MAP3K20: variants seen among roughly 807,000 people sequenced by gnomAD.
MAP3K20 encodes mitogen-activated protein kinase kinase kinase 20, also known as HCCS-4.
MAP3K20 carries 40 observed loss-of-function variants against 85.7 expected under a neutral mutation model. The observed-to-expected ratio is 0.47, with a 90% CI of 0.36 to 0.61. The LOEUF is 0.61. Among genes scored for constraint, MAP3K20 ranks in the 20% least tolerant of loss-of-function variants. The probability of loss-of-function intolerance (pLI) is 0.00; values close to 1 mark genes in which losing one functional copy is unlikely to be tolerated. For missense variants in MAP3K20, 817 were observed against 961.7 expected, an observed-to-expected ratio of 0.85 and a Z score of 1.99; for synonymous variants, 325 against 327.7, an observed-to-expected ratio of 0.99 and a Z score of 0.09.
At chr2:173,108,121 A>G (rs1687836618) in intron 2 of MAP3K20, among the ~76,000 whole-genome samples, 1 of 149,412 alleles carries the variant, frequency 6.7e-6, no homozygotes, top group Admixed American at 6.7e-5. Context: ...TGTGTTATAA[A>G]CTGGGATTTT....
intron 2 of MAP3K20, among the ~76,000 whole-genome samples, chr2:173,134,534 T>A (rs998800380): frequency 2.7e-5 from 4 of 146,712 alleles, no homozygotes; most frequent in Non-Finnish European, 6.0e-5. Context: ...CCTCCCAAAG[T>A]GCTGGGATTA....
At chr2:173,202,844 A>C (rs900369113) in intron 8 of MAP3K20, among the ~76,000 whole-genome samples, 12 of 152,212 alleles carry the variant, frequency 7.9e-5, no homozygotes, top group African/African-American at 2.9e-4. Flanking sequence ...TCATGCAAGA[A>C]TCAATAAGCC....
intron 12 of MAP3K20, among the ~76,000 whole-genome samples, chr2:173,230,711 C>CA (rs1298038534): frequency 2.0e-5 from 3 of 152,086 alleles, no homozygotes; most frequent in Non-Finnish European, 1.5e-5. Flanking sequence ...TGTGAAAACT[C>CA]AGAGACTAGG....
At chr2:173,181,491 G>A (rs977639110) in intron 3 of MAP3K20, among the ~76,000 whole-genome samples, 7 of 152,050 alleles carry the variant, frequency 4.6e-5, no homozygotes, top group African/African-American at 1.7e-4. Context: ...TTCTTTAAAA[G>A]TTAGACATAA....
chr2:173,165,026 C>A (rs908930761), intron 2 of MAP3K20, among the ~76,000 whole-genome samples: 1 of 152,138 alleles, frequency 6.6e-6, no homozygotes, highest in African/African-American at 2.4e-5. Flanking sequence ...AAACAATAAT[C>A]TGTAGAGACA....
chr2:173,122,800 C>A (rs866529051), intron 2 of MAP3K20, among the ~76,000 whole-genome samples: 5 of 152,144 alleles, frequency 3.3e-5, no homozygotes, highest in Non-Finnish European at 7.3e-5. Flanking sequence ...TGTCCCTGAT[C>A]CCTTTGATAG....
intron 2 of MAP3K20, among the ~76,000 whole-genome samples, chr2:173,134,411 TATATA>T (rs1688725480): frequency 1.5e-3 from 15 of 10,178 alleles, no homozygotes; most frequent in South Asian, 7.4e-3. Flanking sequence ...TATATATATA[TATATA>T]TATATATATA....
chr2:173,145,273 C>G (rs79508238), intron 2 of MAP3K20, among the ~76,000 whole-genome samples: 6,636 of 151,882 alleles, frequency 0.044, 220 homozygotes, highest in Middle Eastern at 0.082. Flanking sequence ...AAATTGGTAA[C>G]TAGAGCTTCA....
intron 11 of MAP3K20, 77 bp downstream of exon 11, chr2:173,217,327 C>T: frequency 7.5e-7 from 1 of 1,342,252 alleles, no homozygotes. Context: ...CATGGCACCT[C>T]TTCCCCTGCC....
intron 14 of MAP3K20, among the ~76,000 whole-genome samples, chr2:173,232,987 T>G (rs760526704): frequency 6.6e-6 from 1 of 152,166 alleles, no homozygotes; most frequent in Non-Finnish European, 1.5e-5. Context: ...GGTGCATACA[T>G]GGTATAGTAG....
intron 2 of MAP3K20, among the ~76,000 whole-genome samples, chr2:173,140,400 A>G (rs1383457440): frequency 6.6e-6 from 1 of 151,380 alleles, no homozygotes; most frequent in Non-Finnish European, 1.5e-5. Flanking sequence ...CCAGGCTGGT[A>G]TGCAGGGGCA....
At chr2:173,178,406 G>C (rs1445807293) in intron 3 of MAP3K20, among the ~76,000 whole-genome samples, 1 of 152,168 alleles carries the variant, frequency 6.6e-6, no homozygotes, top group African/African-American at 2.4e-5. Flanking sequence ...CACTTGCGGA[G>C]GCCAAGGCAG....
intron 2 of MAP3K20, among the ~76,000 whole-genome samples, chr2:173,123,620 T>C (rs1688360009): frequency 6.6e-6 from 1 of 152,192 alleles, no homozygotes; most frequent in Non-Finnish European, 1.5e-5. Flanking sequence ...CAGAGTTTCT[T>C]TGGGGCTTGA....
intron 2 of MAP3K20, among the ~76,000 whole-genome samples, chr2:173,122,137 G>T (rs1688313395): frequency 6.6e-6 from 1 of 152,198 alleles, no homozygotes. Context: ...AATCACCCGT[G>T]AATTAATGTA....
At position 173,224,761 on chromosome 2, in the gene MAP3K20, T is replaced by C. The variant is rs562963004; in HGVS notation, c.988-4928T>C. 4.1e-6 allele frequency: 4 copies of C among 985,426 alleles called. No individual in the cohort carries two copies. In the South Asian group the frequency reaches 1.4e-4, roughly 35 times the overall value. The allele number at this position is 985,426 out of a possible 1,614,324, so 61.0% of individuals were successfully genotyped here. On this transcript the variant is annotated intron_variant, in intron 11 of 19. Transcript: ENST00000375213. Reference sequence around the variant, plus strand: ...AAACATCCCTAAAATCTAAATCATATAATCAGAATTCTATAGTGTCCCACT... The same window carrying C: ...AAACATCCCTAAAATCTAAATCATACAATCAGAATTCTATAGTGTCCCACT...
At chr2:173,144,477 A>AG (rs1689076523) in intron 2 of MAP3K20, among the ~76,000 whole-genome samples, 1 of 150,642 alleles carries the variant, frequency 6.6e-6, no homozygotes, top group Admixed American at 6.6e-5. Flanking sequence ...AAAAAAAAAA[A>AG]AAAAAAAAGA....
chr2:173,103,455 A>G (rs542716350), intron 2 of MAP3K20, among the ~76,000 whole-genome samples: 1 of 152,362 alleles, frequency 6.6e-6, no homozygotes, highest in African/African-American at 2.4e-5. Flanking sequence ...ACTTGGGAGT[A>G]TGAAGTGTTA....
In MAP3K20 at chr2:173,243,913, ACTG is replaced by A. The variant is rs1307371603; in HGVS notation, c.1359+4419_1359+4421del. Among the ~76,000 whole-genome samples the A allele has an allele frequency of 9.2e-5, 14 of 152,316 alleles. No homozygotes were observed. In the East Asian group the frequency reaches 1.9e-3, roughly 21 times the overall value. On this transcript the variant is annotated intron_variant, in intron 16 of 19. Transcript: ENST00000375213. ...AGTGCTGGGATTACAGGCGTGAGTC[ACTG>A]CGCCCGGCCCAGATTTACGTTTTTA...
At chr2:173,245,613 C>G (rs888235941) in intron 16 of MAP3K20, among the ~76,000 whole-genome samples, 4 of 152,204 alleles carry the variant, frequency 2.6e-5, no homozygotes, top group Non-Finnish European at 5.9e-5. Flanking sequence ...TGACCTGCTC[C>G]TAAGTAGTAA....
Sources: allele counts gnomAD v4.1 joint callset (sites outside exome capture counted in the v4.1 genomes callset), GRCh38; gene constraint gnomAD v4.1.1; transcripts MANE v1.5; gene names NCBI Gene and HGNC (gene_info 2026-07-23, HGNC 2026-07-21).